TRMT9B: variants seen among roughly 807,000 people sequenced by gnomAD.
TRMT9B encodes probable tRNA methyltransferase 9B.
TRMT9B carries 16 observed loss-of-function variants against 11.5 expected under a neutral mutation model. The ratio of observed to expected loss-of-function variants is 1.39; its 90% CI spans 0.94 to 2.11. The LOEUF (loss-of-function observed/expected upper bound fraction) is 2.11, where lower values mean the gene tolerates loss of function less well. TRMT9B is among the 30% of genes most tolerant of loss of function. The probability of loss-of-function intolerance (pLI) is 0.00; values close to 1 mark genes in which losing one functional copy is unlikely to be tolerated. For synonymous variants in TRMT9B, 274 were observed against 192.4 expected (o/e 1.42, Z -3.51); for missense variants, 941 against 553.8 (o/e 1.70, Z -7.02).
At chr8:13,009,235 T>A (rs1811111382) in intron 3 of TRMT9B, among the ~76,000 whole-genome samples, 1 of 152,074 alleles carries the variant, frequency 6.6e-6, no homozygotes, top group African/African-American at 2.4e-5. Flanking sequence ...AAATGGTGGT[T>A]ACCTGGGGCT....
intron 3 of TRMT9B, chr8:13,011,033 G>A: frequency 1.0e-5 from 7 of 667,312 alleles, no homozygotes; most frequent in Non-Finnish European, 1.3e-5. Context: ...CACCTAGGCT[G>A]GAGTGAGGTG....
chr8:12,970,665 C>T (rs1219690200), intron 1 of TRMT9B, among the ~76,000 whole-genome samples: 1 of 152,142 alleles, frequency 6.6e-6, no homozygotes, highest in African/African-American at 2.4e-5. Context: ...GATTAAGGTC[C>T]TAAAAATATC....
At chr8:12,951,617 C>T (rs59255075) in intron 1 of TRMT9B, 62,327 of 151,922 alleles carry the variant, frequency 0.41, 13,232 homozygotes, top group East Asian at 0.67. Flanking sequence ...CGCGCGCCAG[C>T]CCGCCTTCGC....
In TRMT9B at chr8:13,028,249, A is replaced by C. The variant is rs879865910; in HGVS notation, c.*6205A>C. ...TATTTGGGAGGGATTGGAGCTATAG[A>C]ATAATCTATCTTACCAATCTGATGG... On this transcript the variant is annotated 3_prime_UTR_variant, in exon 5 of 5. Coordinates refer to ENST00000524591, the MANE Select transcript of TRMT9B (RefSeq NM_020844.3). The C allele has an allele frequency of 6.0e-5, 10 of 167,086 alleles. No individual in the cohort carries two copies. Among genetic ancestry groups the C allele is most frequent in the African/African-American group, 1.2e-4 (5 of 41,458 alleles). 10.4% of individuals were successfully genotyped at this position (167,086 alleles called of 1,614,324 possible).
chr8:13,021,473 T>G lies in TRMT9B; in HGVS notation c.794T>G (p.Ile265Ser), dbSNP rs3739308. ...SLDESTLRKQ[I>S]ERVRPLKNTE... ...GATGAATCGACTCTGAGGAAGCAAATTGAAAGAGTAAGACCCTTGAAAAAC... is the reference window on the plus strand; with the variant it reads ...GATGAATCGACTCTGAGGAAGCAAAGTGAAAGAGTAAGACCCTTGAAAAAC... Residue 265 changes from isoleucine to serine, a missense_variant, in exon 5 of 5, where the codon ATT becomes AGT. Physicochemically the swap from Ile to Ser is moderately radical, Grantham distance 142. Transcript: ENST00000524591. 1 of 1,613,980 alleles carries G rather than the reference T, an allele frequency of 6.2e-7. No individual in the cohort carries two copies. Among genetic ancestry groups the G allele is most frequent in the East Asian group, 2.2e-5 (1 of 44,878 alleles).
chr8:12,982,086 T>A (rs968598257), intron 1 of TRMT9B, among the ~76,000 whole-genome samples: 1 of 152,212 alleles, frequency 6.6e-6, no homozygotes. Context: ...ATCTATTATA[T>A]CTATCTGTCT....
chr8:12,963,449 A>T (rs1802408256), intron 1 of TRMT9B, among the ~76,000 whole-genome samples: 1 of 151,870 alleles, frequency 6.6e-6, no homozygotes, highest in Non-Finnish European at 1.5e-5. Context: ...AAAACAAAAC[A>T]GAAAAACACA....
intron 2 of TRMT9B, among the ~76,000 whole-genome samples, chr8:13,004,701 C>CT (rs1554528026): frequency 1.3e-5 from 2 of 152,058 alleles, no homozygotes; most frequent in Non-Finnish European, 2.9e-5. Context: ...GGGTGAGACT[C>CT]TGAGTCTTGC....
At chr8:13,008,646 C>A (rs1810953156) in intron 3 of TRMT9B, among the ~76,000 whole-genome samples, 1 of 152,182 alleles carries the variant, frequency 6.6e-6, no homozygotes, top group Non-Finnish European at 1.5e-5. Context: ...AGACAAAAAT[C>A]TAGACAGACA....
chr8:12,998,754 T>C (rs1808820256), intron 2 of TRMT9B, among the ~76,000 whole-genome samples: 1 of 152,250 alleles, frequency 6.6e-6, no homozygotes, highest in African/African-American at 2.4e-5. Flanking sequence ...GATGAGACAG[T>C]AGAAAAACCT....
rs1185535303 is a variant in TRMT9B at position 13,006,235 on chromosome 8, G to T, written c.33G>T (p.Gln11His). Reference sequence around the variant, plus strand: ...ATGAAGCCGCCCAGCTGGAGAAGCAGCATGTGCACAATGTGTACGAGAGCA... The same window carrying T: ...ATGAAGCCGCCCAGCTGGAGAAGCATCATGTGCACAATGTGTACGAGAGCA... Reference protein sequence around the residue: MDHEAAQLEKQHVHNVYESTA... With the variant: MDHEAAQLEKHHVHNVYESTA... The change falls in exon 3 of 5, where the codon CAG (glutamine) becomes CAT (histidine). Residue 11 changes from glutamine to histidine, a missense_variant. Transcript: ENST00000524591. 4 of 1,613,880 alleles carry T rather than the reference G, an allele frequency of 2.5e-6. No individual in the cohort carries two copies. Among genetic ancestry groups the T allele is most frequent in the Admixed American group, 3.3e-5 (2 of 59,996 alleles).
chr8:13,007,448 C>T (rs1810693216), intron 3 of TRMT9B: 2 of 152,138 alleles, frequency 1.3e-5, no homozygotes, highest in African/African-American at 4.8e-5. Context: ...ATGCTGACTG[C>T]ACCTATGAGT....
intron 1 of TRMT9B, among the ~76,000 whole-genome samples, chr8:12,980,349 C>G (rs942083092): frequency 5.9e-5 from 9 of 152,158 alleles, no homozygotes; most frequent in African/African-American, 1.7e-4. Context: ...TAGGGTCCAC[C>G]CAGATAACCC....
In TRMT9B at chr8:13,028,418, T is replaced by A. The variant is rs1055036796; in HGVS notation, c.*6374T>A. 6.0e-6 allele frequency: 1 copy of A among 166,974 alleles called. No individual in the cohort carries two copies. The highest frequency in any genetic ancestry group is 2.4e-5 in the African/African-American group (1 of 41,398). 10.3% of individuals were successfully genotyped at this position (166,974 alleles called of 1,614,324 possible). A position where few individuals can be genotyped will look rare whatever the true frequency, so the allele number is the denominator to read the frequency against. ...CATTTTCTCCACATGGAATATTGAT[T>A]TTTCTATGAATATTACCTCCACATT... On this transcript the variant is annotated 3_prime_UTR_variant, in exon 5 of 5. Transcript: ENST00000524591.
At chr8:13,006,416 T>A in intron 3 of TRMT9B, 60 bp downstream of exon 3, 1 of 1,513,096 alleles carries the variant, frequency 6.6e-7, no homozygotes, top group South Asian at 1.3e-5. Context: ...CTGACATAGG[T>A]AACCAGGCAG....
At chr8:12,962,737 C>T (rs1802296571) in intron 1 of TRMT9B, among the ~76,000 whole-genome samples, 1 of 152,170 alleles carries the variant, frequency 6.6e-6, no homozygotes, top group Admixed American at 6.5e-5. Context: ...GTGATCTTCC[C>T]ACCTCGCCCT....
chr8:12,993,969 C>A (rs904752980), intron 2 of TRMT9B, among the ~76,000 whole-genome samples: 4 of 152,182 alleles, frequency 2.6e-5, no homozygotes, highest in African/African-American at 9.6e-5. Flanking sequence ...GCATGAGGAT[C>A]TTTTCTTCAG....
At chr8:13,019,985 A>G (rs1287528343) in intron 4 of TRMT9B, among the ~76,000 whole-genome samples, 3 of 152,204 alleles carry the variant, frequency 2.0e-5, no homozygotes, top group African/African-American at 4.8e-5. Flanking sequence ...TACAAAATGT[A>G]TCTGTTGAGT....
At chr8:12,977,328 C>T (rs1247465665) in intron 1 of TRMT9B, among the ~76,000 whole-genome samples, 2 of 152,176 alleles carry the variant, frequency 1.3e-5, no homozygotes, top group Non-Finnish European at 2.9e-5. Flanking sequence ...AGATAACCGT[C>T]AACCTGTTCA....
Sources: allele counts gnomAD v4.1 joint callset (sites outside exome capture counted in the v4.1 genomes callset), GRCh38; gene constraint gnomAD v4.1.1; transcripts MANE v1.5; gene names NCBI Gene and HGNC (gene_info 2026-07-23, HGNC 2026-07-21).